Variants in CTNNA2 observed in about 807,000 individuals in gnomAD.
The protein encoded by CTNNA2 is catenin alpha 2.
CTNNA2 carries 42 observed loss-of-function variants against 101.0 expected under a neutral mutation model. The observed-to-expected ratio is 0.42, with a 90% CI of 0.32 to 0.54. CTNNA2 has a LOEUF of 0.54. Ranked by LOEUF, CTNNA2 falls within the 20% of genes least tolerant of loss-of-function variation. The probability of loss-of-function intolerance (pLI) is 0.14; values close to 1 mark genes in which losing one functional copy is unlikely to be tolerated. For synonymous variants in CTNNA2, 450 were observed against 456.4 expected, an observed-to-expected ratio of 0.99 and a Z score of 0.18; for missense variants, 871 against 1,223.1, an observed-to-expected ratio of 0.71 and a Z score of 4.29.
intron 3 of CTNNA2, among the ~76,000 whole-genome samples, chr2:79,806,070 C>G (rs188304473): frequency 6.6e-6 from 1 of 152,128 alleles, no homozygotes; most frequent in East Asian, 1.9e-4. Flanking sequence ...TATAAATTCT[C>G]TTTCCTGCTT....
intron 4 of CTNNA2, among the ~76,000 whole-genome samples, chr2:79,867,333 T>TTCTATCTA (rs10670844): frequency 3.3e-5 from 5 of 150,794 alleles, no homozygotes; most frequent in African/African-American, 7.4e-5. Flanking sequence ...CCCTTCAATA[T>TTCTATCTA]TCTATCTATC....
chr2:79,387,565 A>G (rs577225116), intron 4 of CTNNA2, among the ~76,000 whole-genome samples: 60 of 152,284 alleles, frequency 3.9e-4, no homozygotes, highest in African/African-American at 1.4e-3. Context: ...ACATAGGCCA[A>G]ACACCAAGTC....
rs537052986 is a variant in CTNNA2, at chr2:80,297,965, G to A, written c.1057-95246G>A. Reference sequence around the variant, plus strand: ...AGTTACATAATGGTCACCTGCCTGCGCGTGTATGGGTGTGTGTGTGTGGTT... The same window carrying A: ...AGTTACATAATGGTCACCTGCCTGCACGTGTATGGGTGTGTGTGTGTGGTT... On this transcript the variant is annotated intron_variant, in intron 7 of 18. Transcript: ENST00000402739. Among the ~76,000 whole-genome samples the A allele has an allele frequency of 1.4e-4, 22 of 151,896 alleles. No homozygotes were observed. The South Asian group carries it at 1.7e-3, about 11-fold the overall frequency.
intron 12 of CTNNA2, among the ~76,000 whole-genome samples, chr2:80,565,700 C>T (rs1693997675): frequency 6.6e-6 from 1 of 152,088 alleles, no homozygotes; most frequent in African/African-American, 2.4e-5. Context: ...GTGTGGTAAT[C>T]ATCTGACATG....
intron 7 of CTNNA2, among the ~76,000 whole-genome samples, chr2:80,041,631 A>G (rs1696062814): frequency 6.6e-6 from 1 of 152,214 alleles, no homozygotes; most frequent in African/African-American, 2.4e-5. Context: ...AATATTTTTC[A>G]GTACATTCCT....
chr2:79,325,749 C>G (rs978970887), intron 3 of CTNNA2, among the ~76,000 whole-genome samples: 4 of 152,176 alleles, frequency 2.6e-5, no homozygotes, highest in African/African-American at 4.8e-5. Context: ...TTCATTGCAC[C>G]TTGTTCTTGT....
chr2:80,345,381 C>A (rs1003695839), intron 7 of CTNNA2, among the ~76,000 whole-genome samples: 8 of 152,302 alleles, frequency 5.3e-5, no homozygotes, highest in African/African-American at 1.7e-4. Flanking sequence ...GTTTCTCCAG[C>A]CCCTCAGTCT....
intron 7 of CTNNA2, among the ~76,000 whole-genome samples, chr2:79,937,446 G>C (rs1056272554): frequency 6.6e-6 from 1 of 152,096 alleles, no homozygotes; most frequent in Non-Finnish European, 1.5e-5. Context: ...GCAATCTTCA[G>C]GCTATGTCTT....
At position 79,287,953 on chromosome 2, in the gene CTNNA2, C is replaced by T. The variant is rs113531912; in HGVS notation, c.-405-24756C>T. 9.9e-3 allele frequency among the ~76,000 whole-genome samples: 1,503 copies of T among 152,314 alleles called. 14 individuals carry two copies. Among genetic ancestry groups the T allele is most frequent in the Non-Finnish European group, 0.016 (1,081 of 68,024 alleles). ...AGGTGCGGGATATAATCTCCTGATG[C>T]GCTGTTTTTTAAGCCGGTCGGAAAA... is the stretch of plus-strand genomic sequence containing the variant. On this transcript the variant is annotated intron_variant, in intron 2 of 21. Transcript: ENST00000466387.
At chr2:80,485,231 AAT>A in intron 9 of CTNNA2, among the ~76,000 whole-genome samples, 1 of 152,280 alleles carries the variant, frequency 6.6e-6, no homozygotes, top group Admixed American at 6.5e-5. Flanking sequence ...CTTTGATCAG[AAT>A]ATTTGTTTTT....
chr2:79,286,821 G>T (rs1413748510), intron 2 of CTNNA2, among the ~76,000 whole-genome samples: 4 of 152,086 alleles, frequency 2.6e-5, no homozygotes, highest in African/African-American at 7.2e-5. Context: ...GATTGGGGAA[G>T]TTCTCCTGGA....
chr2:80,496,213 C>G (rs923354603), intron 9 of CTNNA2, among the ~76,000 whole-genome samples: 1 of 152,042 alleles, frequency 6.6e-6, no homozygotes, highest in Non-Finnish European at 1.5e-5. Flanking sequence ...TTTAAGCCAC[C>G]TAGTGCGTGG....
intron 2 of CTNNA2, among the ~76,000 whole-genome samples, chr2:79,700,497 T>C (rs113995627): frequency 0.019 from 2,957 of 152,098 alleles, 61 homozygotes; most frequent in African/African-American, 0.049. Flanking sequence ...ATATCAGCCA[T>C]GGGGACTTGA....
At chr2:79,577,860 A>G (rs1051412485) in intron 1 of CTNNA2, among the ~76,000 whole-genome samples, 2 of 152,178 alleles carry the variant, frequency 1.3e-5, no homozygotes, top group African/African-American at 2.4e-5. Context: ...TTCATTCCCT[A>G]TGTTTAGGAA....
At chr2:79,188,205 T>G (rs1271488654) in intron 1 of CTNNA2, among the ~76,000 whole-genome samples, 1 of 152,154 alleles carries the variant, frequency 6.6e-6, no homozygotes, top group Non-Finnish European at 1.5e-5. Flanking sequence ...TATCTTATGA[T>G]GCATGACATT....
chr2:79,538,992 C>A (rs1050578190), intron 1 of CTNNA2, among the ~76,000 whole-genome samples: 3 of 152,178 alleles, frequency 2.0e-5, no homozygotes, highest in African/African-American at 7.2e-5. Context: ...GAGAAGTGAT[C>A]TGCTTACATC....
chr2:80,066,696 AAATC>A (rs1336928177), intron 7 of CTNNA2, among the ~76,000 whole-genome samples: 3 of 152,226 alleles, frequency 2.0e-5, no homozygotes, highest in African/African-American at 7.2e-5. Flanking sequence ...AAAAAATTAA[AAATC>A]AAACTACCAT....
At chr2:79,259,970 T>C (rs1233164237) in intron 2 of CTNNA2, among the ~76,000 whole-genome samples, 1 of 152,138 alleles carries the variant, frequency 6.6e-6, no homozygotes, top group Non-Finnish European at 1.5e-5. Flanking sequence ...AATGAGAAAG[T>C]AAAGATAGGA....
At chr2:79,544,144 G>A (rs1401680429) in intron 1 of CTNNA2, among the ~76,000 whole-genome samples, 2 of 152,190 alleles carry the variant, frequency 1.3e-5, no homozygotes, top group African/African-American at 2.4e-5. Context: ...CACCATATTG[G>A]CCAGGCTGGT....
Sources: allele counts gnomAD v4.1 joint callset (sites outside exome capture counted in the v4.1 genomes callset), GRCh38; gene constraint gnomAD v4.1.1; transcripts MANE v1.5; gene names NCBI Gene and HGNC (gene_info 2026-07-23, HGNC 2026-07-21).